GPM6A: variants seen among roughly 807,000 people sequenced by gnomAD.
GPM6A encodes glycoprotein M6A.
Under a neutral mutation model 32.1 loss-of-function variants are expected in GPM6A, and 7 were observed. The observed-to-expected ratio is 0.22, with a 90% confidence interval of 0.12 to 0.41. The LOEUF (loss-of-function observed/expected upper bound fraction) is 0.41, where lower values mean the gene tolerates loss of function less well. Ranked by LOEUF, GPM6A falls within the 10% of genes least tolerant of loss-of-function variation. The probability of loss-of-function intolerance (pLI) is 1.00; values close to 1 mark genes in which losing one functional copy is unlikely to be tolerated. For missense variants in GPM6A, 235 were observed against 347.2 expected (o/e 0.68, Z 2.57); for synonymous variants, 130 against 123.4 (o/e 1.05, Z -0.35).
intron 1 of GPM6A, among the ~76,000 whole-genome samples, chr4:175,901,144 A>G (rs542679604): frequency 6.8e-6 from 1 of 147,740 alleles, no homozygotes; most frequent in Admixed American, 6.8e-5. Context: ...TGGGGGGCTG[A>G]GGGCGAAGTT....
At chr4:175,936,243 T>A (rs1345042893) in intron 1 of GPM6A, among the ~76,000 whole-genome samples, 4 of 128,550 alleles carry the variant, frequency 3.1e-5, no homozygotes, top group Non-Finnish European at 6.1e-5. Context: ...GAGGCAGAGC[T>A]TGCAGTGAGC....
At chr4:175,894,641 A>G (rs1245591136) in intron 1 of GPM6A, among the ~76,000 whole-genome samples, 1 of 152,172 alleles carries the variant, frequency 6.6e-6, no homozygotes, top group Non-Finnish European at 1.5e-5. Flanking sequence ...CACAAACAAC[A>G]AGAATACAAG....
intron 3 of GPM6A, among the ~76,000 whole-genome samples, chr4:175,662,260 C>T (rs185875937): frequency 3.0e-4 from 45 of 152,204 alleles, no homozygotes; most frequent in Admixed American, 9.8e-4. Context: ...CATACCACCT[C>T]GCACACACTT....
At chr4:175,771,045 G>C (rs550379746) in intron 1 of GPM6A, among the ~76,000 whole-genome samples, 3 of 152,194 alleles carry the variant, frequency 2.0e-5, no homozygotes, top group East Asian at 1.9e-4. Context: ...ATGCCTCTTC[G>C]TTCCTCTGTA....
At chr4:175,713,901 T>C (rs986701971) in intron 1 of GPM6A, among the ~76,000 whole-genome samples, 1 of 152,206 alleles carries the variant, frequency 6.6e-6, no homozygotes, top group Non-Finnish European at 1.5e-5. Context: ...GCTTATCTTT[T>C]CTCTCCAATT....
intron 1 of GPM6A, among the ~76,000 whole-genome samples, chr4:175,934,977 G>A (rs188081493): frequency 9.9e-5 from 15 of 152,276 alleles, no homozygotes; most frequent in Admixed American, 7.8e-4. Flanking sequence ...TCACAACCAA[G>A]CACAGAATTC....
intron 1 of GPM6A, among the ~76,000 whole-genome samples, chr4:175,954,951 G>A (rs572018360): frequency 1.3e-5 from 2 of 152,314 alleles, no homozygotes; most frequent in South Asian, 4.1e-4. Context: ...TAATACTTAA[G>A]TCAAAGGACC....
At chr4:175,968,167 A>T (rs1740387370) in intron 1 of GPM6A, among the ~76,000 whole-genome samples, 1 of 94,792 alleles carries the variant, frequency 1.1e-5, no homozygotes, top group Non-Finnish European at 2.5e-5. Context: ...CAACTCAATG[A>T]AAAAAAAAAC....
chr4:175,992,049 CAA>C (rs1359553440), intron 1 of GPM6A, among the ~76,000 whole-genome samples: 7 of 119,676 alleles, frequency 5.8e-5, no homozygotes, highest in African/African-American at 2.1e-4. Context: ...CCCCTACACA[CAA>C]ACACACATGC....
intron 1 of GPM6A, among the ~76,000 whole-genome samples, chr4:175,876,369 A>G (rs895937347): frequency 1.3e-5 from 2 of 152,214 alleles, no homozygotes; most frequent in Non-Finnish European, 2.9e-5. Flanking sequence ...CATTAAATGC[A>G]TTAGATTTAA....
intron 2 of GPM6A, among the ~76,000 whole-genome samples, chr4:175,695,034 G>T (rs1000620808): frequency 3.9e-5 from 6 of 152,202 alleles, no homozygotes; most frequent in African/African-American, 1.4e-4. Context: ...CATAAGCCTT[G>T]GCAGCTTTCC....
chr4:175,780,395 G>T (rs1040390494), intron 1 of GPM6A, among the ~76,000 whole-genome samples: 2 of 152,122 alleles, frequency 1.3e-5, no homozygotes, highest in Non-Finnish European at 2.9e-5. Flanking sequence ...CTGATTTCTT[G>T]CTCTGCAAAA....
At chr4:175,724,389 C>G (rs996332332) in intron 1 of GPM6A, among the ~76,000 whole-genome samples, 2 of 152,040 alleles carry the variant, frequency 1.3e-5, no homozygotes, top group African/African-American at 4.8e-5. Context: ...GACAAAAACA[C>G]AAAAATTAGC....
rs948606325 is a variant in GPM6A, at chr4:175,748,878, T to G, written c.38-47111A>C. Among the ~76,000 whole-genome samples, 7 of 152,340 alleles carry G rather than the reference T, an allele frequency of 4.6e-5. No individual in the cohort carries two copies. In the South Asian group the frequency reaches 1.4e-3, roughly 32 times the overall value. ...ACCTCCATCAATGTTCTTAGCTAGA[T>G]CTTCTGGATAACCCACTGCAGCTTC... On this transcript the variant is annotated intron_variant, in intron 1 of 6. Coordinates refer to ENST00000393658, the MANE Select transcript of GPM6A (RefSeq NM_201591.3).
chr4:175,735,772 G>C (rs1348944735), intron 1 of GPM6A, among the ~76,000 whole-genome samples: 1 of 152,084 alleles, frequency 6.6e-6, no homozygotes, highest in African/African-American at 2.4e-5. Flanking sequence ...ACGTTGGTCA[G>C]GCTGGTCTCA....
At chr4:175,772,323 G>A (rs535466897) in intron 1 of GPM6A, among the ~76,000 whole-genome samples, 1 of 152,290 alleles carries the variant, frequency 6.6e-6, no homozygotes, top group African/African-American at 2.4e-5. Flanking sequence ...AGAGGCTTTG[G>A]TTAGAGTAAA....
At chr4:175,814,402 T>G (rs998544484), upstream of GPM6A, among the ~76,000 whole-genome samples, 1 of 152,220 alleles carries the variant, frequency 6.6e-6, no homozygotes, top group African/African-American at 2.4e-5. Flanking sequence ...TGTTCTGATC[T>G]TAGAAGCTAA....
chr4:175,688,914 G>T (rs930816995), intron 2 of GPM6A, among the ~76,000 whole-genome samples: 3 of 152,124 alleles, frequency 2.0e-5, no homozygotes, highest in Non-Finnish European at 4.4e-5. Context: ...GTGTAGCGGT[G>T]CAATCATAGC....
intron 1 of GPM6A, among the ~76,000 whole-genome samples, chr4:175,930,490 AT>A (rs1738998613): frequency 6.6e-6 from 1 of 150,764 alleles, no homozygotes. Context: ...TCTAAGGAGC[AT>A]TTTGGGTATT....
Sources: allele counts gnomAD v4.1 joint callset (sites outside exome capture counted in the v4.1 genomes callset), GRCh38; gene constraint gnomAD v4.1.1; transcripts MANE v1.5; gene names NCBI Gene and HGNC (gene_info 2026-07-23, HGNC 2026-07-21).